CPQ: variants seen among roughly 807,000 people sequenced by gnomAD.
The protein encoded by CPQ is carboxypeptidase Q.
A neutral mutation model predicts 45.7 loss-of-function variants in CPQ; 37 were observed. The ratio of observed to expected loss-of-function variants is 0.81; its 90% confidence interval spans 0.62 to 1.07. CPQ has a LOEUF of 1.07. CPQ is among the 50% of genes least tolerant of loss of function. The probability of loss-of-function intolerance (pLI) is 0.00; values close to 1 mark genes in which losing one functional copy is unlikely to be tolerated. For synonymous variants in CPQ, 186 were observed against 205.8 expected (o/e 0.90, Z 0.82); for missense variants, 537 against 572.9 (o/e 0.94, Z 0.64).
intron 1 of CPQ, among the ~76,000 whole-genome samples, chr8:96,752,767 T>C (rs975513905): frequency 1.3e-5 from 2 of 152,128 alleles, no homozygotes; most frequent in Non-Finnish European, 2.9e-5. Context: ...TGTGGGTTTG[T>C]CATATATGGC....
chr8:96,989,402 AGAGGG>A (rs1038517706), intron 5 of CPQ, among the ~76,000 whole-genome samples: 8 of 130,984 alleles, frequency 6.1e-5, no homozygotes, highest in African/African-American at 1.9e-4. Context: ...GAAAGGAAGG[AGAGGG>A]GAGGGGAGGG....
intron 7 of CPQ, among the ~76,000 whole-genome samples, chr8:97,142,490 T>C (rs71514939): frequency 1.3e-5 from 2 of 152,244 alleles, no homozygotes; most frequent in Non-Finnish European, 2.9e-5. Flanking sequence ...GGTATTGGCT[T>C]TCTTTTGTAA....
intron 7 of CPQ, among the ~76,000 whole-genome samples, chr8:97,089,708 CT>C (rs1201992460): frequency 6.6e-6 from 1 of 152,102 alleles, no homozygotes; most frequent in Non-Finnish European, 1.5e-5. Flanking sequence ...TAACACTACC[CT>C]TTATGTGTAT....
chr8:96,715,759 G>C lies in CPQ; in HGVS notation c.-34-69105G>C, dbSNP rs1409106530. 2.0e-5 allele frequency among the ~76,000 whole-genome samples: 3 copies of C among 152,178 alleles called. No individual in the cohort carries two copies. The East Asian group carries it at 5.8e-4, about 29-fold the overall frequency. ...CCATCTGGATTCTTTTGTCCCATGG[G>C]GTGCTCCCTTGATGTGGTGCAGTCC... On this transcript the variant is annotated intron_variant, in intron 1 of 7. Coordinates refer to ENST00000220763, the MANE Select transcript of CPQ (RefSeq NM_016134.4).
At chr8:97,103,350 G>A (rs563395795) in intron 7 of CPQ, among the ~76,000 whole-genome samples, 1 of 152,298 alleles carries the variant, frequency 6.6e-6, no homozygotes, top group African/African-American at 2.4e-5. Context: ...AGTGGTGACT[G>A]TGAACCTTGA....
intron 4 of CPQ, among the ~76,000 whole-genome samples, chr8:96,923,946 AG>A (rs1295944701): frequency 6.6e-6 from 1 of 152,218 alleles, no homozygotes; most frequent in Non-Finnish European, 1.5e-5. Flanking sequence ...AGGATGAGAA[AG>A]CTGAGATGTT....
chr8:97,057,740 T>C (rs748030465), intron 6 of CPQ, among the ~76,000 whole-genome samples: 8 of 152,186 alleles, frequency 5.3e-5, no homozygotes, highest in Admixed American at 1.3e-4. Flanking sequence ...ATTTACCTAC[T>C]CTTTTAGTAC....
intron 7 of CPQ, among the ~76,000 whole-genome samples, chr8:97,080,122 C>A (rs1316846934): frequency 6.6e-6 from 1 of 152,158 alleles, no homozygotes; most frequent in Non-Finnish European, 1.5e-5. Context: ...TGTCTTCTAG[C>A]AATTTCCTAG....
chr8:96,734,598 C>A (rs1204426496), intron 1 of CPQ, among the ~76,000 whole-genome samples: 1 of 151,910 alleles, frequency 6.6e-6, no homozygotes, highest in Non-Finnish European at 1.5e-5. Context: ...GGAGTCCCAG[C>A]TACTCGGGAG....
chr8:96,689,925 C>A (rs945424335), intron 1 of CPQ, among the ~76,000 whole-genome samples: 1 of 151,804 alleles, frequency 6.6e-6, no homozygotes, highest in Non-Finnish European at 1.5e-5. Context: ...AAATTTGTGT[C>A]CTTCATAATT....
In CPQ at chr8:97,091,247, T is replaced by C. The variant is rs181482086; in HGVS notation, c.1255+25037T>C. On this transcript the variant is annotated intron_variant, in intron 7 of 7. Coordinates refer to ENST00000220763, the MANE Select transcript of CPQ (RefSeq NM_016134.4). ...AGACTAAAGCTTTAATTAGTAAAGA[T>C]GCAGCCATCACTTATATTTCTCAGA... Among the ~76,000 whole-genome samples the C allele has an allele frequency of 1.1e-4, 17 of 152,352 alleles. No individual in the cohort carries two copies. In the East Asian group the frequency reaches 3.1e-3, roughly 28 times the overall value.
At chr8:96,687,992 G>GA (rs1472895342) in intron 1 of CPQ, among the ~76,000 whole-genome samples, 15 of 151,758 alleles carry the variant, frequency 9.9e-5, no homozygotes, top group Non-Finnish European at 1.5e-4. Flanking sequence ...TCCATATTCT[G>GA]AAAAAAATTT....
intron 1 of CPQ, among the ~76,000 whole-genome samples, chr8:96,737,357 T>TATATATATATATATATATATAG (rs1809999872): frequency 7.0e-6 from 1 of 142,542 alleles, no homozygotes; most frequent in African/African-American, 2.6e-5. Context: ...TAATAGGAGA[T>TATATATATATATATATATATAG]ATATATATAT....
At chr8:96,990,632 T>G (rs574377439) in intron 5 of CPQ, among the ~76,000 whole-genome samples, 1 of 152,340 alleles carries the variant, frequency 6.6e-6, no homozygotes, top group Admixed American at 6.5e-5. Context: ...CCCTTCTCCC[T>G]GGAGACAGTA....
chr8:96,778,116 A>G (rs950359528), intron 1 of CPQ, among the ~76,000 whole-genome samples: 1 of 151,928 alleles, frequency 6.6e-6, no homozygotes, highest in Non-Finnish European at 1.5e-5. Flanking sequence ...ATTTTATAAT[A>G]CATTTCTATT....
chr8:97,106,913 G>A lies in CPQ; in HGVS notation c.1256-36107G>A, dbSNP rs78017951. Among the ~76,000 whole-genome samples the A allele has an allele frequency of 7.9e-3, 1,196 of 152,248 alleles. 11 individuals are homozygous for A. Among genetic ancestry groups the A allele is most frequent in the Non-Finnish European group, 0.012 (783 of 68,012 alleles). ...TATTGGGATAGAGGGAGTGATTCTC[G>A]TGTCACATGCTGCAGGAATATAAAG... On this transcript the variant is annotated intron_variant, in intron 7 of 7. Transcript: ENST00000220763.
At chr8:96,977,324 CAA>C (rs34816638) in intron 5 of CPQ, among the ~76,000 whole-genome samples, 2,662 of 133,826 alleles carry the variant, frequency 0.02, 74 homozygotes, top group African/African-American at 0.064. Context: ...TATCCGTAAT[CAA>C]AAAAAAAAAA....
intron 2 of CPQ, among the ~76,000 whole-genome samples, chr8:96,824,534 A>G (rs1201869660): frequency 3.9e-5 from 6 of 152,046 alleles, no homozygotes; most frequent in Admixed American, 1.3e-4. Flanking sequence ...CTACAATCCA[A>G]TGGAAATTCT....
chr8:96,970,562 A>ACT (rs1221545900), intron 5 of CPQ, among the ~76,000 whole-genome samples: 2 of 137,474 alleles, frequency 1.5e-5, no homozygotes, highest in Non-Finnish European at 1.6e-5. Flanking sequence ...CATGCCCAAC[A>ACT]CTCTTTTTTT....
Sources: allele counts gnomAD v4.1 joint callset (sites outside exome capture counted in the v4.1 genomes callset), GRCh38; gene constraint gnomAD v4.1.1; transcripts MANE v1.5; gene names NCBI Gene and HGNC (gene_info 2026-07-23, HGNC 2026-07-21).